The following CDCA5 variants were observed in gnomAD, a reference collection of about 807,000 sequenced individuals.
CDCA5 encodes cell division cycle associated 5, also known as sororin.
A neutral mutation model predicts 25.7 loss-of-function variants in CDCA5; 14 were observed. The observed-to-expected ratio is 0.54, with a 90% CI of 0.36 to 0.85. The LOEUF is 0.85. Among genes scored for constraint, CDCA5 ranks in the 40% least tolerant of loss-of-function variants. CDCA5 has a pLI of 0.01. For missense variants in CDCA5, 307 were observed against 324.5 expected (o/e 0.95, Z 0.41); for synonymous variants, 127 against 128.7 (o/e 0.99, Z 0.09).
At chr11:65,080,611 G>A (rs190219383) in intron 4 of CDCA5, among the ~76,000 whole-genome samples, 7 of 152,120 alleles carry the variant, frequency 4.6e-5, no homozygotes, top group Admixed American at 3.9e-4. Flanking sequence ...GAGTAGGGGA[G>A]GTCTCCCTTT....
At position 65,078,849 on chromosome 11, in the gene CDCA5, C is replaced by T. The variant is rs557648047; in HGVS notation, c.*258G>A. On this transcript the variant is annotated 3_prime_UTR_variant, in exon 6 of 6. Coordinates refer to ENST00000275517, the MANE Select transcript of CDCA5 (RefSeq NM_080668.4). Reference sequence around the variant, plus strand: ...GCCCATCTGGAAACTGGCTATGGTACTTTGGGGAGATAGGAAGGACAGGAC... The same window carrying T: ...GCCCATCTGGAAACTGGCTATGGTATTTTGGGGAGATAGGAAGGACAGGAC... 8.3e-7 allele frequency: 1 copy of T among 1,203,222 alleles called. No homozygotes were observed. The highest frequency in any genetic ancestry group is 4.1e-5 in the South Asian group (1 of 24,398). The allele number at this position is 1,203,222 out of a possible 1,614,324, so 74.5% of individuals were successfully genotyped here. A position where few individuals can be genotyped will look rare whatever the true frequency, so the allele number is the denominator to read the frequency against.
chr11:65,083,475 T>C lies in CDCA5; in HGVS notation c.207+10A>G. The C allele has an allele frequency of 1.9e-6, 3 of 1,614,196 alleles. No homozygotes were observed. The highest frequency in any genetic ancestry group is 8.5e-7 in the Non-Finnish European group (1 of 1,180,004). ...GCCTAACCACCCACAACACTCTCCT[T>C]AGCCTTTACCTCTACAGCATGGGCC... On this transcript the variant is annotated intron_variant, in intron 3 of 5. Coordinates refer to ENST00000275517, the MANE Select transcript of CDCA5 (RefSeq NM_080668.4).
downstream of CDCA5, among the ~76,000 whole-genome samples, chr11:65,061,601 C>T (rs575748825): frequency 6.6e-5 from 10 of 151,862 alleles, no homozygotes; most frequent in East Asian, 1.8e-3. Flanking sequence ...GGTGAAAGCC[C>T]GTCTCTACTC....
At chr11:65,070,818 G>C (rs982116651) in intron 1 of CDCA5, among the ~76,000 whole-genome samples, 2 of 152,104 alleles carry the variant, frequency 1.3e-5, no homozygotes, top group African/African-American at 4.8e-5. Context: ...TGCCTATCTA[G>C]AAGTGTTTTG....
chr11:65,077,644 C>T lies in CDCA5; in HGVS notation c.*1463G>A. 2.0e-6 allele frequency: 2 copies of T among 985,464 alleles called. No homozygotes were observed. Among genetic ancestry groups the T allele is most frequent in the African/African-American group, 3.5e-5 (2 of 57,342 alleles). 61.0% of individuals were successfully genotyped at this position (985,464 alleles called of 1,614,324 possible). On this transcript the variant is annotated 3_prime_UTR_variant, in exon 6 of 6. Transcript: ENST00000275517. ...GTTCTGCTGCATCAGCCAGTGAGGACAAGAGTTCTTCAGTGCGGTTCAGCT... is the reference window on the plus strand; with the variant it reads ...GTTCTGCTGCATCAGCCAGTGAGGATAAGAGTTCTTCAGTGCGGTTCAGCT...
At chr11:65,083,187 G>A (rs1947609741) in intron 4 of CDCA5, 177 bp downstream of exon 4, 2 of 664,982 alleles carry the variant, frequency 3.0e-6, no homozygotes, top group South Asian at 1.8e-5. Context: ...AAAAAGTTAA[G>A]TGTATTAAGT....
chr11:65,082,467 T>C (rs903016907), intron 4 of CDCA5, among the ~76,000 whole-genome samples: 2 of 148,870 alleles, frequency 1.3e-5, no homozygotes, highest in African/African-American at 5.0e-5. Context: ...GTCTTTTTTT[T>C]TTTTTTTTTT....
At chr11:65,066,697 G>A in intron 5 of CDCA5, 1 of 1,288,182 alleles carries the variant, frequency 7.8e-7, no homozygotes, top group Non-Finnish European at 1.0e-6. Context: ...AAGGGTTGCA[G>A]GGCTCGAGGT....
chr11:65,067,947 C>A (rs1270735855), intron 3 of CDCA5: 1 of 1,018,586 alleles, frequency 9.8e-7, no homozygotes, highest in African/African-American at 1.7e-5. Flanking sequence ...AAACACCATC[C>A]ACCTCCCCCA....
Position 65,078,887 on chromosome 11 carries a change from G to C in CDCA5, c.*220C>G. ...GGAAGGACAGGACGACAAGAGACAG[G>C]ACACCAGTGAGTGGCTGGGCCAGGC... On this transcript the variant is annotated 3_prime_UTR_variant, in exon 6 of 6. Coordinates refer to ENST00000275517, the MANE Select transcript of CDCA5 (RefSeq NM_080668.4). 1.6e-6 allele frequency: 2 copies of C among 1,250,148 alleles called. No individual in the cohort carries two copies. The highest frequency in any genetic ancestry group is 1.0e-6 in the Non-Finnish European group (1 of 998,166). 77.4% of individuals were successfully genotyped at this position (1,250,148 alleles called of 1,614,324 possible). A position where few individuals can be genotyped will look rare whatever the true frequency, so the allele number is the denominator to read the frequency against.
At chr11:65,066,418 C>G (rs1162625156) in exon 7 of CDCA5, 4 of 1,251,984 alleles carry the variant, frequency 3.2e-6, no homozygotes, top group Non-Finnish European at 4.1e-6. Flanking sequence ...TCTCTGTGGT[C>G]GTGGGGCAGG....
At chr11:65,065,743 G>C (rs1309322531), downstream of CDCA5, among the ~76,000 whole-genome samples, 3 of 152,088 alleles carry the variant, frequency 2.0e-5, no homozygotes, top group Non-Finnish European at 4.4e-5. Flanking sequence ...TGGTGGAGGG[G>C]GGTTGGGGGC....
downstream of CDCA5, among the ~76,000 whole-genome samples, chr11:65,061,736 C>T (rs1392093859): frequency 1.2e-4 from 17 of 138,130 alleles, no homozygotes; most frequent in African/African-American, 3.8e-4. Context: ...GATAGCGCCA[C>T]TGCACTCCAG....
chr11:65,078,049 ATG>A lies in CDCA5; in HGVS notation c.*1056_*1057del. The A allele has an allele frequency of 1.0e-6, 1 of 985,146 alleles. No homozygotes were observed. Among genetic ancestry groups the A allele is most frequent in the South Asian group, 4.7e-5 (1 of 21,280 alleles). 61.0% of individuals were successfully genotyped at this position (985,146 alleles called of 1,614,324 possible). ...TGAGATGCATCCAGGCAGTGTTCTC[ATG>A]TGAGAGGATAGGGAGGCCAAAAACT... is the stretch of plus-strand genomic sequence containing the variant. On this transcript the variant is annotated 3_prime_UTR_variant, in exon 6 of 6. Coordinates refer to ENST00000275517, the MANE Select transcript of CDCA5 (RefSeq NM_080668.4).
downstream of CDCA5, among the ~76,000 whole-genome samples, chr11:65,066,102 A>G (rs1423134675): frequency 6.6e-6 from 1 of 151,734 alleles, no homozygotes; most frequent in Non-Finnish European, 1.5e-5. Context: ...CAGGCTGACA[A>G]CAACCAGGCC....
downstream of CDCA5, among the ~76,000 whole-genome samples, chr11:65,073,825 G>C (rs1054724751): frequency 1.3e-5 from 2 of 152,190 alleles, no homozygotes; most frequent in Non-Finnish European, 2.9e-5. Context: ...CTAGGACAGG[G>C]GAGGGCCTGC....
intron 1 of CDCA5, among the ~76,000 whole-genome samples, chr11:65,071,300 G>A (rs981702415): frequency 2.7e-5 from 4 of 150,486 alleles, no homozygotes; most frequent in African/African-American, 9.8e-5. Flanking sequence ...GAACATACTT[G>A]TACTAGAAAA....
intron 4 of CDCA5, among the ~76,000 whole-genome samples, chr11:65,080,211 A>G (rs958938327): frequency 6.6e-6 from 1 of 152,120 alleles, no homozygotes; most frequent in Non-Finnish European, 1.5e-5. Flanking sequence ...TTTTTAAGGA[A>G]GGGACAAATC....
chr11:65,078,017 G>A lies in CDCA5; in HGVS notation c.*1090C>T, dbSNP rs1347515679. On this transcript the variant is annotated 3_prime_UTR_variant, in exon 6 of 6. Coordinates refer to ENST00000275517, the MANE Select transcript of CDCA5 (RefSeq NM_080668.4). ...AAGAGAAAGATGGGGAAATTCTCCA[G>A]AGATCATGAGATGCATCCAGGCAGT... is the stretch of plus-strand genomic sequence containing the variant. 4 of 985,326 alleles carry A rather than the reference G, an allele frequency of 4.1e-6. No homozygotes were observed. In the African/African-American group the frequency reaches 7.0e-5, roughly 17 times the overall value. 61.0% of individuals were successfully genotyped at this position (985,326 alleles called of 1,614,324 possible). A position where few individuals can be genotyped will look rare whatever the true frequency, so the allele number is the denominator to read the frequency against.
Sources: allele counts gnomAD v4.1 joint callset (sites outside exome capture counted in the v4.1 genomes callset), GRCh38; gene constraint gnomAD v4.1.1; transcripts MANE v1.5; gene names NCBI Gene and HGNC (gene_info 2026-07-23, HGNC 2026-07-21).